The following MACROD2 variants were observed in gnomAD, a reference collection of about 807,000 sequenced individuals.
MACROD2 encodes the protein mono-ADP ribosylhydrolase 2.
Under a neutral mutation model 70.4 loss-of-function variants are expected in MACROD2, and 36 were observed. The ratio of observed to expected loss-of-function variants is 0.51; its 90% CI spans 0.39 to 0.68. MACROD2 has a LOEUF of 0.68. MACROD2 is among the 30% of genes least tolerant of loss of function. The pLI is 0.00. For synonymous variants in MACROD2, 172 were observed against 178.8 expected (o/e 0.96, Z 0.30); for missense variants, 496 against 538.4 (o/e 0.92, Z 0.78).
chr20:14,734,376 C>G (rs1298234246), intron 5 of MACROD2, among the ~76,000 whole-genome samples: 1 of 151,472 alleles, frequency 6.6e-6, no homozygotes, highest in Non-Finnish European at 1.5e-5. Flanking sequence ...TGGCGGGTGC[C>G]TGTAGTCCCA....
At chr20:15,711,310 C>T (rs2050623022) in intron 8 of MACROD2, among the ~76,000 whole-genome samples, 1 of 152,154 alleles carries the variant, frequency 6.6e-6, no homozygotes, top group Non-Finnish European at 1.5e-5. Context: ...TTTCTTATCT[C>T]GTGGTATGTT....
chr20:14,948,214 G>C (rs893723514), intron 5 of MACROD2, among the ~76,000 whole-genome samples: 3 of 152,148 alleles, frequency 2.0e-5, no homozygotes, highest in Non-Finnish European at 4.4e-5. Context: ...CCTGGATTTT[G>C]TCAGAGGAGG....
chr20:15,085,595 A>G (rs2075740999), intron 5 of MACROD2, among the ~76,000 whole-genome samples: 1 of 152,078 alleles, frequency 6.6e-6, no homozygotes, highest in Admixed American at 6.6e-5. Flanking sequence ...GGATGGTAGG[A>G]TGTAAGTATA....
At chr20:14,457,764 CAA>C (rs1417425004) in intron 3 of MACROD2, among the ~76,000 whole-genome samples, 4 of 151,962 alleles carry the variant, frequency 2.6e-5, no homozygotes, top group Non-Finnish European at 5.9e-5. Flanking sequence ...ATCTTACTGA[CAA>C]GAGAGGAAGA....
intron 6 of MACROD2, among the ~76,000 whole-genome samples, chr20:15,300,453 G>A (rs2077631499): frequency 6.6e-6 from 1 of 152,160 alleles, no homozygotes; most frequent in African/African-American, 2.4e-5. Context: ...GGGAACCACT[G>A]TTCTAACCTT....
chr20:15,065,585 C>G (rs2075567582), intron 5 of MACROD2, among the ~76,000 whole-genome samples: 1 of 147,712 alleles, frequency 6.8e-6, no homozygotes, highest in Non-Finnish European at 1.5e-5. Context: ...ACCTGGGAGG[C>G]GGAGCTTGCA....
chr20:14,056,004 T>A (rs1315320704), intron 2 of MACROD2, among the ~76,000 whole-genome samples: 2 of 152,022 alleles, frequency 1.3e-5, no homozygotes, highest in Admixed American at 6.6e-5. Flanking sequence ...TTTCTGTTGA[T>A]TGATTGATTA....
At chr20:15,607,804 G>C (rs1568925668) in intron 8 of MACROD2, among the ~76,000 whole-genome samples, 1 of 152,214 alleles carries the variant, frequency 6.6e-6, no homozygotes, top group Non-Finnish European at 1.5e-5. Context: ...AAAGTGCTGG[G>C]ATTACAGGTG....
chr20:14,995,675 C>A (rs189486265), intron 5 of MACROD2, among the ~76,000 whole-genome samples: 2 of 151,544 alleles, frequency 1.3e-5, no homozygotes, highest in Non-Finnish European at 2.9e-5. Flanking sequence ...ATTGACAAAA[C>A]GTTAAATTAA....
At chr20:15,837,000 G>A (rs1291613763) in intron 8 of MACROD2, among the ~76,000 whole-genome samples, 1 of 152,136 alleles carries the variant, frequency 6.6e-6, no homozygotes, top group Non-Finnish European at 1.5e-5. Context: ...CTTAGCTGGA[G>A]TTCAATAAGG....
intron 8 of MACROD2, among the ~76,000 whole-genome samples, chr20:15,748,858 T>C (rs62194675): frequency 0.11 from 17,203 of 151,866 alleles, 1,093 homozygotes; most frequent in Admixed American, 0.14. Flanking sequence ...TGTGGGGAGG[T>C]GGAGGGCTAT....
chr20:15,139,305 T>A (rs409113), intron 5 of MACROD2, among the ~76,000 whole-genome samples: 134,539 of 152,120 alleles, frequency 0.88, 59,657 homozygotes, highest in East Asian at 1. Context: ...GCCAACTGTT[T>A]TGCACCAGCA....
At chr20:14,071,303 C>G (rs540375734) in intron 2 of MACROD2, among the ~76,000 whole-genome samples, 145 of 118,624 alleles carry the variant, frequency 1.2e-3, no homozygotes, top group South Asian at 7.4e-3. Flanking sequence ...CTCTGTCGTC[C>G]AGGCCAGAGT....
chr20:15,900,948 T>A (rs115529035), intron 10 of MACROD2, among the ~76,000 whole-genome samples: 1 of 152,128 alleles, frequency 6.6e-6, no homozygotes, highest in African/African-American at 2.4e-5. Flanking sequence ...ACCGGGCACA[T>A]TGAGTAGACA....
chr20:15,156,149 G>T (rs1235293029), intron 5 of MACROD2, among the ~76,000 whole-genome samples: 3 of 152,056 alleles, frequency 2.0e-5, no homozygotes, highest in Non-Finnish European at 4.4e-5. Flanking sequence ...CCTTCTTTTT[G>T]AGATGTGACT....
chr20:15,902,607 G>T (rs73103519), intron 10 of MACROD2, among the ~76,000 whole-genome samples: 307 of 152,116 alleles, frequency 2.0e-3, no homozygotes, highest in Non-Finnish European at 3.9e-3. Flanking sequence ...CACAAAAGAT[G>T]GCTTCTACCT....
At chr20:14,575,525 G>T (rs941972461) in intron 4 of MACROD2, among the ~76,000 whole-genome samples, 1 of 152,130 alleles carries the variant, frequency 6.6e-6, no homozygotes, top group Non-Finnish European at 1.5e-5. Context: ...ATGCCCAGGG[G>T]TCCCTGGACC....
intron 4 of MACROD2, among the ~76,000 whole-genome samples, chr20:14,531,764 T>C (rs1429677224): frequency 2.0e-5 from 3 of 152,154 alleles, no homozygotes; most frequent in Non-Finnish European, 4.4e-5. Flanking sequence ...GCCCCAGCTA[T>C]AGCCATAAGC....
chr20:15,375,965 G>T (rs559342854), intron 6 of MACROD2, among the ~76,000 whole-genome samples: 1 of 151,998 alleles, frequency 6.6e-6, no homozygotes, highest in Admixed American at 6.6e-5. Flanking sequence ...TGAATGCATC[G>T]ACATATGTTC....
Sources: allele counts gnomAD v4.1 joint callset (sites outside exome capture counted in the v4.1 genomes callset), GRCh38; gene constraint gnomAD v4.1.1; transcripts MANE v1.5; gene names NCBI Gene and HGNC (gene_info 2026-07-23, HGNC 2026-07-21).